GRHL3: variants seen among roughly 807,000 people sequenced by gnomAD.
GRHL3 encodes grainyhead-like protein 3 homolog.
Under a neutral mutation model 70.3 loss-of-function variants are expected in GRHL3, and 20 were observed. The observed-to-expected ratio is 0.28, with a 90% CI of 0.20 to 0.41. The LOEUF (loss-of-function observed/expected upper bound fraction) is 0.41, where lower values mean the gene tolerates loss of function less well. Ranked by LOEUF, GRHL3 falls within the 10% of genes least tolerant of loss-of-function variation. GRHL3 has a pLI of 1.00. For missense variants in GRHL3, 637 were observed against 762.3 expected (o/e 0.84, Z 1.94); for synonymous variants, 299 against 299.9 (o/e 1.00, Z 0.03).
intron 3 of GRHL3, among the ~76,000 whole-genome samples, chr1:24,335,711 C>A (rs1052747138): frequency 4.6e-5 from 7 of 151,868 alleles, no homozygotes; most frequent in Non-Finnish European, 1.0e-4. Context: ...GCCTCCCGAG[C>A]AGCTGGGACT....
chr1:24,342,817 GGGA>G lies in GRHL3; in HGVS notation c.1285+47_1285+49del. On this transcript the variant is annotated intron_variant, in intron 10 of 15. Coordinates refer to ENST00000361548, the MANE Select transcript of GRHL3 (RefSeq NM_198173.3). This position sits in a 1 kb window ranked among gnomAD's most constrained non-coding sequence, Gnocchi z 4.8. Reference sequence around the variant, plus strand: ...CTGGGTGGGCTCGGCTGGCGTGAAGGGGAGAAGGAGACCAGAGGTGGGAGGGAC... The same window carrying G: ...CTGGGTGGGCTCGGCTGGCGTGAAGGGAAGGAGACCAGAGGTGGGAGGGAC... The G allele has an allele frequency of 6.2e-7, 1 of 1,613,838 alleles. No individual in the cohort carries two copies. Among genetic ancestry groups the G allele is most frequent in the Non-Finnish European group, 8.5e-7 (1 of 1,179,706 alleles).
rs776627682 is a variant in GRHL3 at position 24,342,096 on chromosome 1, C to A, written c.1048-19C>A. 4 of 1,537,704 alleles carry A rather than the reference C, an allele frequency of 2.6e-6. No homozygotes were observed. Among genetic ancestry groups the A allele is most frequent in the Non-Finnish European group, 3.5e-6 (4 of 1,137,216 alleles). On this transcript the variant is annotated intron_variant, in intron 8 of 15. Coordinates refer to ENST00000361548, the MANE Select transcript of GRHL3 (RefSeq NM_198173.3). The surrounding 1 kb of genome is among the most constrained non-coding windows in gnomAD (Gnocchi z 4.8). The stretch of plus-strand genomic sequence containing the variant: ...CCACCTGGGCAGGCCACTTACCCAG[C>A]GGCCCCCTCTGTCTCCAGGTGTTCA...
rs1313716255 is a variant in GRHL3, at chr1:24,355,273, C to T, written c.*785C>T. ...TTCAGTGATGCATTTTGTATACTCACGTGGTATTTAGTAATAAAAATCTAT... is the reference window on the plus strand; with the variant it reads ...TTCAGTGATGCATTTTGTATACTCATGTGGTATTTAGTAATAAAAATCTAT... On this transcript the variant is annotated 3_prime_UTR_variant, in exon 16 of 16. Transcript: ENST00000361548. 2.0e-5 allele frequency: 3 copies of T among 152,530 alleles called. No individual in the cohort carries two copies. Among genetic ancestry groups the T allele is most frequent in the South Asian group, 2.1e-4 (1 of 4,826 alleles). 9.4% of individuals were successfully genotyped at this position (152,530 alleles called of 1,614,324 possible). A position where few individuals can be genotyped will look rare whatever the true frequency, so the allele number is the denominator to read the frequency against.
chr1:24,335,892 A>C (rs1356953508), intron 3 of GRHL3, among the ~76,000 whole-genome samples: 2 of 152,132 alleles, frequency 1.3e-5, no homozygotes, highest in Non-Finnish European at 2.9e-5. Context: ...ACTCAAAACT[A>C]ATTTTTAAAA....
intron 12 of GRHL3, among the ~76,000 whole-genome samples, chr1:24,345,780 C>T (rs1640256831): frequency 6.6e-6 from 1 of 152,162 alleles, no homozygotes; most frequent in Admixed American, 6.5e-5. Flanking sequence ...TGAGCCTCAG[C>T]CTACACATTT....
At chr1:24,360,371 C>G (rs1017890036) in intron 15 of GRHL3, among the ~76,000 whole-genome samples, 1 of 152,286 alleles carries the variant, frequency 6.6e-6, no homozygotes, top group East Asian at 1.9e-4. Context: ...ATTGCCTGAA[C>G]CTGGGAGGCG....
intron 15 of GRHL3, among the ~76,000 whole-genome samples, chr1:24,352,624 C>T (rs560270051): frequency 3.3e-5 from 5 of 152,262 alleles, no homozygotes; most frequent in African/African-American, 9.6e-5. Context: ...GGGAGTGGGA[C>T]GGATCCAGCC....
In GRHL3 at chr1:24,343,001, C is replaced by T; in HGVS notation, c.1395C>T (p.Phe465=). The part of the protein sequence containing the change: ...PPVLFIPNVH[F]SSLQRSGGAA... The stretch of plus-strand genomic sequence containing the variant: ...TGCTGTTCATCCCCAATGTGCACTT[C>T]TCCAGCCTGCAGCGCTCTGGAGGGG... The change falls in exon 11 of 16, where the codon TTC becomes TTT. Residue 465 remains phenylalanine (F), a synonymous_variant. Coordinates refer to ENST00000361548, the MANE Select transcript of GRHL3 (RefSeq NM_198173.3). 6.2e-7 allele frequency: 1 copy of T among 1,614,136 alleles called. No homozygotes were observed. The highest frequency in any genetic ancestry group is 1.1e-5 in the South Asian group (1 of 91,080).
At chr1:24,361,895 G>A (rs987494114) in intron 15 of GRHL3, among the ~76,000 whole-genome samples, 1 of 152,182 alleles carries the variant, frequency 6.6e-6, no homozygotes, top group African/African-American at 2.4e-5. Flanking sequence ...CCTTCCTGCT[G>A]TGACCTTTCA....
At chr1:24,327,120 G>T (rs1038272155) in intron 1 of GRHL3, among the ~76,000 whole-genome samples, 3 of 152,134 alleles carry the variant, frequency 2.0e-5, no homozygotes, top group Non-Finnish European at 4.4e-5. Flanking sequence ...TTATTCTCTG[G>T]CAGGCTCTAG....
rs974938516 is a variant in GRHL3, at chr1:24,337,898, C to T, written c.841-94C>T. 8 of 1,560,376 alleles carry T rather than the reference C, an allele frequency of 5.1e-6. No homozygotes were observed. In the African/African-American group the frequency reaches 9.5e-5, roughly 18 times the overall value. On this transcript the variant is annotated intron_variant, in intron 6 of 15. Transcript: ENST00000361548. ...AAGGCTGTTTGATAATAGCCCATTG[C>T]CACAGGGTTGGGGAAACTGAGGCAA... is the stretch of plus-strand genomic sequence containing the variant.
Position 24,347,478 on chromosome 1 carries a change from T to A in GRHL3, c.1554T>A (p.Tyr518Ter). The A allele has an allele frequency of 6.2e-7, 1 of 1,614,116 alleles. No homozygotes were observed. Among genetic ancestry groups the A allele is most frequent in the South Asian group, 1.1e-5 (1 of 91,090 alleles). ...GCCCTTGCTTTTCAGTTCTGCTGTA[T>A]GTGCGGAGGGAGACTGAGGAGGTGT... ...KEGDLQRVLL[Y>*]VRRETEEVFD... Residue 518 changes from tyrosine (Y) to a stop codon, truncating the protein, a stop_gained, in exon 14 of 16, where the codon TAT (tyrosine) becomes TAA (stop). Coordinates refer to ENST00000361548, the MANE Select transcript of GRHL3 (RefSeq NM_198173.3). LOFTEE classifies it high-confidence loss of function.
At chr1:24,326,332 T>TCCCTCTTCCCCTCCAC (rs1557690786) in intron 1 of GRHL3, among the ~76,000 whole-genome samples, 3 of 135,472 alleles carry the variant, frequency 2.2e-5, no homozygotes, top group African/African-American at 8.4e-5. Flanking sequence ...ATCTCCATTC[T>TCCCTCTTCCCCTCCAC]CCCTCTTCCC....
chr1:24,358,578 A>G (rs755035519), downstream of GRHL3: 4 of 1,614,096 alleles, frequency 2.5e-6, no homozygotes, highest in South Asian at 3.3e-5. Context: ...TCCTCGTTGT[A>G]GAGGAAGGAC....
downstream of GRHL3, chr1:24,358,688 A>G: frequency 1.6e-6 from 2 of 1,288,446 alleles, no homozygotes; most frequent in Non-Finnish European, 2.2e-6. Context: ...CTGGCATTCT[A>G]CCTCAGAGCT....
chr1:24,328,075 C>T (rs987588599), intron 1 of GRHL3, among the ~76,000 whole-genome samples: 4 of 152,212 alleles, frequency 2.6e-5, no homozygotes, highest in Admixed American at 6.5e-5. Context: ...TTCCTCCTGC[C>T]TTGTGTGGGT....
In GRHL3 at chr1:24,319,578, C is replaced by T; in HGVS notation, c.17+10C>T. The T allele has an allele frequency of 6.2e-7, 1 of 1,613,846 alleles. No homozygotes were observed. The highest frequency in any genetic ancestry group is 2.2e-5 in the East Asian group (1 of 44,888). On this transcript the variant is annotated intron_variant, in intron 1 of 15. Transcript: ENST00000361548. ...TGTCGAATGAACTTGAGTGAGTAAA[C>T]ATCGGTGGATACCTGCCGCTCTCAG...
chr1:24,333,729 T>G (rs1639693956), intron 2 of GRHL3, among the ~76,000 whole-genome samples: 1 of 152,264 alleles, frequency 6.6e-6, no homozygotes, highest in South Asian at 2.1e-4. Flanking sequence ...ATTCAGAGTC[T>G]ATGCTTGTAA....
rs78286970 is a variant in GRHL3, at chr1:24,360,830, C to T, written c.1695-3355C>T. ...TTCCAGAAGATTTGGTTTTTACAATCATTTAAAACAATCCTCTGACCTGGG... is the reference window on the plus strand; with the variant it reads ...TTCCAGAAGATTTGGTTTTTACAATTATTTAAAACAATCCTCTGACCTGGG... On this transcript the variant is annotated intron_variant, in intron 15 of 15. Transcript: ENST00000350501. The T allele has an allele frequency of 1.8e-3, 2,869 of 1,586,976 alleles. 60 individuals carry two copies. In the African/African-American group the frequency reaches 0.036, roughly 20 times the overall value.
Sources: gnomAD v4.1 joint callset for allele counts (sites outside exome capture counted in the v4.1 genomes callset) on GRCh38, gnomAD v4.1.1 for gene constraint, Gnocchi (gnomAD v3.1) non-coding constraint, MANE v1.5 for transcripts, NCBI Gene and HGNC (gene_info 2026-07-23, HGNC 2026-07-21) for gene names.